TTLL11: variants seen among roughly 807,000 people sequenced by gnomAD.
TTLL11 encodes tubulin tyrosine ligase like 11, also known as tubulin polyglutamylase TTLL11.
A neutral mutation model predicts 51.7 loss-of-function variants in TTLL11; 42 were observed. That is an observed-to-expected ratio of 0.81 (90% confidence interval 0.64 to 1.05). The LOEUF is 1.05. Among genes scored for constraint, TTLL11 ranks in the 50% least tolerant of loss-of-function variants. The pLI is 0.00. For synonymous variants in TTLL11, 381 were observed against 383.5 expected, an observed-to-expected ratio of 0.99 and a Z score of 0.08; for missense variants, 799 against 940.4, an observed-to-expected ratio of 0.85 and a Z score of 1.97.
In TTLL11 at chr9:122,057,407, C is replaced by T. The variant is rs143094008; in HGVS notation, c.463-18039G>A. 1.7e-3 allele frequency among the ~76,000 whole-genome samples: 255 copies of T among 151,344 alleles called. 1 individual carries two copies. The highest frequency in any genetic ancestry group is 5.4e-3 in the African/African-American group (223 of 41,174). ...GAACAATTCAGCTCACTGCAACCTC[C>T]GGCTCCCGGGTTCAAGCAATTCTCC... On this transcript the variant is annotated intron_variant, in intron 1 of 8. Coordinates refer to ENST00000321582, the MANE Select transcript of TTLL11 (RefSeq NM_001139442.2).
chr9:122,065,935 A>G (rs1845571167), intron 1 of TTLL11, among the ~76,000 whole-genome samples: 2 of 152,234 alleles, frequency 1.3e-5, no homozygotes, highest in African/African-American at 4.8e-5. Flanking sequence ...GGCACAAAGT[A>G]CTGATTCTAA....
At chr9:121,994,269 G>T (rs1843193048) in intron 3 of TTLL11, among the ~76,000 whole-genome samples, 1 of 152,200 alleles carries the variant, frequency 6.6e-6, no homozygotes, top group Non-Finnish European at 1.5e-5. Flanking sequence ...ACACTTCTGG[G>T]AAACTGTAGA....
chr9:121,838,772 GCAAGCA>G (rs1176589693), intron 8 of TTLL11, among the ~76,000 whole-genome samples: 2 of 144,984 alleles, frequency 1.4e-5, no homozygotes, highest in African/African-American at 2.8e-5. Flanking sequence ...AAGCAAGCAA[GCAAGCA>G]AGAAAGCAAG....
At chr9:121,994,411 G>C (rs530027670) in intron 3 of TTLL11, among the ~76,000 whole-genome samples, 1 of 152,174 alleles carries the variant, frequency 6.6e-6, no homozygotes, top group African/African-American at 2.4e-5. Context: ...CGCTTACTGA[G>C]CACTTATTAT....
At chr9:121,936,905 TC>T (rs1376372368) in intron 6 of TTLL11, among the ~76,000 whole-genome samples, 33 of 152,226 alleles carry the variant, frequency 2.2e-4, no homozygotes, top group African/African-American at 8.0e-4. Flanking sequence ...GCATTTGCAA[TC>T]CTTTCTCTGC....
At chr9:122,068,928 T>C (rs1264828377) in intron 1 of TTLL11, among the ~76,000 whole-genome samples, 1 of 152,078 alleles carries the variant, frequency 6.6e-6, no homozygotes, top group Non-Finnish European at 1.5e-5. Flanking sequence ...TGCCTGGGTG[T>C]GGGTGATGCA....
chr9:121,974,774 G>T, intron 5 of TTLL11, 110 bp downstream of exon 5: 1 of 838,092 alleles, frequency 1.2e-6, no homozygotes, highest in Non-Finnish European at 1.9e-6. Flanking sequence ...AACAGAATTT[G>T]GCTATGAAAA....
At chr9:121,921,072 G>A (rs1051973243) in intron 6 of TTLL11, among the ~76,000 whole-genome samples, 3 of 152,252 alleles carry the variant, frequency 2.0e-5, no homozygotes, top group African/African-American at 7.2e-5. Flanking sequence ...GATGAATTAA[G>A]AGAGGTGAAT....
At chr9:121,823,633 G>A (rs1014066605) in intron 8 of TTLL11, among the ~76,000 whole-genome samples, 7 of 152,146 alleles carry the variant, frequency 4.6e-5, no homozygotes, top group Non-Finnish European at 7.4e-5. Context: ...CCGGTTTGAC[G>A]GCAAAGTTCT....
At chr9:121,826,472 T>C (rs1336009649) in intron 8 of TTLL11, among the ~76,000 whole-genome samples, 1 of 59,398 alleles carries the variant, frequency 1.7e-5, no homozygotes, top group African/African-American at 6.5e-5. Flanking sequence ...TGTGTGTATA[T>C]ATATATATGT....
chr9:121,899,228 C>A (rs1320586203), intron 6 of TTLL11, among the ~76,000 whole-genome samples: 1 of 152,124 alleles, frequency 6.6e-6, no homozygotes, highest in Non-Finnish European at 1.5e-5. Flanking sequence ...CTCCCTCTAT[C>A]CTCTGCGTGT....
At chr9:121,902,897 C>G (rs1440640268) in intron 6 of TTLL11, among the ~76,000 whole-genome samples, 1 of 152,130 alleles carries the variant, frequency 6.6e-6, no homozygotes, top group African/African-American at 2.4e-5. Context: ...CATTTTCTCT[C>G]TCTCACAGAG....
chr9:121,985,630 C>T (rs1225747657), intron 4 of TTLL11, among the ~76,000 whole-genome samples: 1 of 151,426 alleles, frequency 6.6e-6, no homozygotes, highest in Non-Finnish European at 1.5e-5. Context: ...CATTCTCCTG[C>T]CTCAGCCTCC....
intron 8 of TTLL11, among the ~76,000 whole-genome samples, chr9:121,829,431 T>C (rs1836927526): frequency 6.6e-6 from 1 of 152,102 alleles, no homozygotes; most frequent in African/African-American, 2.4e-5. Context: ...TAAATACTGA[T>C]AATGAGAGGT....
At chr9:121,958,512 T>C (rs1225547501) in intron 6 of TTLL11, among the ~76,000 whole-genome samples, 1 of 152,120 alleles carries the variant, frequency 6.6e-6, no homozygotes, top group Non-Finnish European at 1.5e-5. Flanking sequence ...CAGTACCCAC[T>C]CCTAATCAGG....
chr9:122,039,942 C>T (rs1314256259), intron 1 of TTLL11, among the ~76,000 whole-genome samples: 1 of 151,922 alleles, frequency 6.6e-6, no homozygotes, highest in African/African-American at 2.4e-5. Context: ...TAAGATGAAT[C>T]CCAGGGCCTA....
intron 6 of TTLL11, among the ~76,000 whole-genome samples, chr9:121,932,865 T>C (rs1335630839): frequency 6.6e-6 from 1 of 152,130 alleles, no homozygotes; most frequent in East Asian, 1.9e-4. Flanking sequence ...GATTTCCAAC[T>C]ACAAGAGACA....
intron 3 of TTLL11, among the ~76,000 whole-genome samples, chr9:122,001,957 G>T (rs1564351292): frequency 6.6e-6 from 1 of 152,198 alleles, no homozygotes; most frequent in Non-Finnish European, 1.5e-5. Context: ...AAACTCCAGG[G>T]TGTTCTAAAT....
intron 6 of TTLL11, among the ~76,000 whole-genome samples, chr9:121,957,999 T>C (rs773501353): frequency 1.3e-5 from 2 of 152,116 alleles, no homozygotes; most frequent in African/African-American, 4.8e-5. Context: ...TTAAGTCAGA[T>C]AGCGTATGTC....
Sources: gnomAD v4.1 joint callset for allele counts (sites outside exome capture counted in the v4.1 genomes callset) on GRCh38, gnomAD v4.1.1 for gene constraint, MANE v1.5 for transcripts, NCBI Gene and HGNC (gene_info 2026-07-23, HGNC 2026-07-21) for gene names.